The following RALYL variants were observed in gnomAD, a reference collection of about 807,000 sequenced individuals.
RALYL encodes RNA-binding Raly-like protein.
In RALYL, 29 loss-of-function variants were observed where a neutral mutation model predicts 35.1. The ratio of observed to expected loss-of-function variants is 0.83; its 90% CI spans 0.61 to 1.13. The LOEUF (loss-of-function observed/expected upper bound fraction) is 1.13, where lower values mean the gene tolerates loss of function less well. RALYL is among the 50% of genes most tolerant of loss of function. The pLI is 0.00. For synonymous variants in RALYL, 120 were observed against 127.6 expected (o/e 0.94, Z 0.40); for missense variants, 359 against 360.4 (o/e 1.00, Z 0.03).
intron 2 of RALYL, among the ~76,000 whole-genome samples, chr8:84,765,458 T>C (rs1197540903): frequency 6.6e-6 from 1 of 152,104 alleles, no homozygotes; most frequent in Non-Finnish European, 1.5e-5. Context: ...ATAGGAAAGG[T>C]GGTTATAGTG....
intron 2 of RALYL, among the ~76,000 whole-genome samples, chr8:84,543,025 T>C (rs2060120042): frequency 6.6e-6 from 1 of 152,194 alleles, no homozygotes; most frequent in Non-Finnish European, 1.5e-5. Flanking sequence ...CCTATATAAT[T>C]GTACAGGTCT....
At chr8:84,533,915 G>A (rs547823875) in intron 2 of RALYL, among the ~76,000 whole-genome samples, 21 of 152,306 alleles carry the variant, frequency 1.4e-4, no homozygotes, top group Admixed American at 2.6e-4. Context: ...AACAATTCCC[G>A]TCAAGCATGT....
Position 84,756,416 on chromosome 8 carries a change from G to A in RALYL, c.257-18163G>A, listed in dbSNP as rs538512017. Among the ~76,000 whole-genome samples the A allele has an allele frequency of 1.3e-4, 20 of 152,182 alleles. No homozygotes were observed. In the East Asian group the frequency reaches 1.7e-3, roughly 13 times the overall value. ...TAGAACACATAGCAGCCCCCACTCC[G>A]TGGCTAATGATAATGAAATCCTAGT... On this transcript the variant is annotated intron_variant, in intron 2 of 8. Coordinates refer to ENST00000521268, the MANE Select transcript of RALYL (RefSeq NM_173848.7).
chr8:84,429,157 T>G (rs2132638959), intron 1 of RALYL, among the ~76,000 whole-genome samples: 1 of 152,302 alleles, frequency 6.6e-6, no homozygotes, highest in South Asian at 2.1e-4. Flanking sequence ...TATGGCTTAA[T>G]GCTCTAGGCT....
At chr8:84,287,696 G>GAT (rs1356542720) in intron 1 of RALYL, among the ~76,000 whole-genome samples, 10 of 152,268 alleles carry the variant, frequency 6.6e-5, no homozygotes, top group Admixed American at 6.5e-4. Context: ...ATGGGAGTAA[G>GAT]ATGATGATAG....
chr8:84,460,409 G>C (rs890169189), intron 1 of RALYL, among the ~76,000 whole-genome samples: 3 of 151,698 alleles, frequency 2.0e-5, no homozygotes, highest in Non-Finnish European at 4.4e-5. Flanking sequence ...TTGTTCGTAA[G>C]AGTAAAATGC....
chr8:84,852,911 C>A (rs1836171222), intron 5 of RALYL, among the ~76,000 whole-genome samples: 1 of 152,166 alleles, frequency 6.6e-6, no homozygotes, highest in Non-Finnish European at 1.5e-5. Flanking sequence ...ACAACAACAA[C>A]AACAACAAAA....
At chr8:84,481,356 A>T (rs995711577) in intron 1 of RALYL, among the ~76,000 whole-genome samples, 10 of 152,074 alleles carry the variant, frequency 6.6e-5, no homozygotes, top group Admixed American at 3.9e-4. Context: ...CTGAGACAGG[A>T]TCTTGATCTG....
chr8:84,722,572 G>A (rs13439156), intron 2 of RALYL, among the ~76,000 whole-genome samples: 33,196 of 141,766 alleles, frequency 0.23, 4,132 homozygotes, highest in African/African-American at 0.28. Context: ...ATACACAGCT[G>A]TCAGAACTAC....
intron 3 of RALYL, among the ~76,000 whole-genome samples, chr8:84,780,674 A>T (rs1817946356): frequency 6.6e-6 from 1 of 152,090 alleles, no homozygotes; most frequent in African/African-American, 2.4e-5. Context: ...TTTGAATTTG[A>T]TTTTTTTGTT....
chr8:84,760,109 T>C (rs1422418665), intron 2 of RALYL, among the ~76,000 whole-genome samples: 9 of 152,290 alleles, frequency 5.9e-5, no homozygotes, highest in African/African-American at 1.9e-4. Flanking sequence ...CCCTTAGATA[T>C]TATTTTTCAA....
intron 2 of RALYL, among the ~76,000 whole-genome samples, chr8:84,648,659 T>C (rs910889149): frequency 3.3e-5 from 5 of 151,908 alleles, no homozygotes; most frequent in African/African-American, 1.2e-4. Context: ...AATGTATAAA[T>C]TTCAAAAGAG....
chr8:84,578,886 A>G (rs1810155653), intron 2 of RALYL, among the ~76,000 whole-genome samples: 1 of 152,214 alleles, frequency 6.6e-6, no homozygotes, highest in South Asian at 2.1e-4. Context: ...ATAGGCGGCC[A>G]TGGGCAGGCC....
At chr8:84,777,023 C>A (rs1816991290) in intron 3 of RALYL, among the ~76,000 whole-genome samples, 1 of 152,188 alleles carries the variant, frequency 6.6e-6, no homozygotes, top group African/African-American at 2.4e-5. Flanking sequence ...TTCTCATTCT[C>A]ACGTAAGCTT....
At chr8:84,829,852 G>C (rs562931701) in intron 4 of RALYL, among the ~76,000 whole-genome samples, 9 of 152,104 alleles carry the variant, frequency 5.9e-5, no homozygotes, top group African/African-American at 2.2e-4. Flanking sequence ...GTTTGTTTCT[G>C]TTTAAAGACT....
chr8:84,833,977 C>T (rs1831449683), intron 4 of RALYL, among the ~76,000 whole-genome samples: 1 of 151,740 alleles, frequency 6.6e-6, no homozygotes, highest in Non-Finnish European at 1.5e-5. Flanking sequence ...CATCATTCTC[C>T]AACATTTTTA....
At chr8:84,847,296 C>A (rs534334204) in intron 4 of RALYL, among the ~76,000 whole-genome samples, 9 of 152,218 alleles carry the variant, frequency 5.9e-5, no homozygotes, top group Non-Finnish European at 1.2e-4. Flanking sequence ...GCCCCACAGT[C>A]ACTTCACTCA....
chr8:84,759,110 C>G (rs1318299212), intron 2 of RALYL, among the ~76,000 whole-genome samples: 1 of 152,096 alleles, frequency 6.6e-6, no homozygotes, highest in Non-Finnish European at 1.5e-5. Flanking sequence ...CTATGACCTC[C>G]TCTTCTTCCC....
At chr8:84,398,298 G>C (rs2042542880) in intron 1 of RALYL, among the ~76,000 whole-genome samples, 1 of 149,868 alleles carries the variant, frequency 6.7e-6, no homozygotes, top group East Asian at 2.0e-4. Flanking sequence ...GTTTTACAAG[G>C]TAAAGTTTCT....
Sources: allele counts gnomAD v4.1 joint callset (sites outside exome capture counted in the v4.1 genomes callset), GRCh38; gene constraint gnomAD v4.1.1; transcripts MANE v1.5; gene names NCBI Gene and HGNC (gene_info 2026-07-23, HGNC 2026-07-21).